CFAP44: variants seen among roughly 807,000 people sequenced by gnomAD.
CFAP44 encodes cilia- and flagella-associated protein 44.
Under a neutral mutation model 216.2 loss-of-function variants are expected in CFAP44, and 134 were observed. The ratio of observed to expected loss-of-function variants is 0.62; its 90% confidence interval spans 0.54 to 0.72. The LOEUF (loss-of-function observed/expected upper bound fraction) is 0.72. Ranked by LOEUF, CFAP44 falls within the 30% of genes least tolerant of loss-of-function variation. The pLI, the probability that CFAP44 is intolerant of heterozygous loss-of-function variation, is 0.00. For synonymous variants in CFAP44, 700 were observed against 727.6 expected, an observed-to-expected ratio of 0.96 and a Z score of 0.61; for missense variants, 2,035 against 2,182.1, an observed-to-expected ratio of 0.93 and a Z score of 1.34.
At chr3:113,354,312 C>T (rs945794201) in intron 22 of CFAP44, among the ~76,000 whole-genome samples, 1 of 152,188 alleles carries the variant, frequency 6.6e-6, no homozygotes, top group South Asian at 2.1e-4. Context: ...TTTGAAGGAA[C>T]TGGATCACCC....
intron 28 of CFAP44, among the ~76,000 whole-genome samples, chr3:113,322,237 C>T (rs1950152053): frequency 6.6e-6 from 1 of 152,180 alleles, no homozygotes; most frequent in Non-Finnish European, 1.5e-5. Flanking sequence ...ACCATCTTAT[C>T]TTCAACAAGG....
chr3:113,310,007 C>G (rs377515456), intron 28 of CFAP44, among the ~76,000 whole-genome samples: 1 of 152,198 alleles, frequency 6.6e-6, no homozygotes, highest in South Asian at 2.1e-4. Flanking sequence ...AACTCTGGTA[C>G]AATCCCCAAC....
intron 20 of CFAP44, 78 bp downstream of exon 20, chr3:113,363,399 A>G: frequency 6.4e-7 from 1 of 1,573,276 alleles, no homozygotes; most frequent in Non-Finnish European, 8.6e-7. Flanking sequence ...AAATTCATTA[A>G]GCTTGGTCAA....
intron 1 of CFAP44, among the ~76,000 whole-genome samples, chr3:113,440,644 T>C (rs1275228747): frequency 6.6e-6 from 1 of 152,178 alleles, no homozygotes; most frequent in Non-Finnish European, 1.5e-5. Context: ...CTGTAACCCA[T>C]TTTCTACACT....
intron 28 of CFAP44, among the ~76,000 whole-genome samples, chr3:113,313,368 A>T (rs868270388): frequency 3.9e-5 from 6 of 152,132 alleles, no homozygotes; most frequent in Middle Eastern, 3.2e-3. Flanking sequence ...GTAGGAAGTA[A>T]CTAGCTTGCT....
Position 113,304,110 on chromosome 3 carries a change from T to C in CFAP44, c.4883A>G (p.Tyr1628Cys). Residue 1628 changes from tyrosine (Y) to cysteine (C), a missense_variant, in exon 32 of 35, where the codon TAT becomes TGT. Transcript: ENST00000393845. Reference sequence around the variant, plus strand: ...GCTAGGTATTTCTCCAAATACCACATACTCTATCTACAAGCATAAAACAAA... The same window carrying C: ...GCTAGGTATTTCTCCAAATACCACACACTCTATCTACAAGCATAAAACAAA... ...VIPLKLHQIE[Y>C]VVFGEIPSDL... 1.3e-6 allele frequency: 2 copies of C among 1,536,846 alleles called. No homozygotes were observed. The highest frequency in any genetic ancestry group is 1.7e-6 in the Non-Finnish European group (2 of 1,146,702).
chr3:113,421,247 C>T (rs1183706918), intron 4 of CFAP44, among the ~76,000 whole-genome samples: 1 of 152,210 alleles, frequency 6.6e-6, no homozygotes, highest in African/African-American at 2.4e-5. Context: ...AAACGCTCCA[C>T]ATCACTAATC....
chr3:113,321,408 C>A (rs1293974830), intron 28 of CFAP44, among the ~76,000 whole-genome samples: 1 of 152,128 alleles, frequency 6.6e-6, no homozygotes, highest in East Asian at 1.9e-4. Flanking sequence ...TCCACATAGC[C>A]AACATCATAC....
Position 113,287,517 on chromosome 3 carries a change from T to C in CFAP44, c.*4040A>G, listed in dbSNP as rs973571170. 4 of 152,916 alleles carry C rather than the reference T, an allele frequency of 2.6e-5. No individual in the cohort carries two copies. Among genetic ancestry groups the C allele is most frequent in the African/African-American group, 9.6e-5 (4 of 41,454 alleles). 9.5% of individuals were successfully genotyped at this position (152,916 alleles called of 1,614,324 possible). Reference sequence around the variant, plus strand: ...ATGTTAGAATTCAGTCTCTGAGTATTTGAAGAAAATACCCACTTACAATAT... The same window carrying C: ...ATGTTAGAATTCAGTCTCTGAGTATCTGAAGAAAATACCCACTTACAATAT... On this transcript the variant is annotated 3_prime_UTR_variant, in exon 35 of 35. Transcript: ENST00000393845.
chr3:113,347,874 C>G (rs1950402627), intron 22 of CFAP44, among the ~76,000 whole-genome samples: 1 of 152,116 alleles, frequency 6.6e-6, no homozygotes, highest in African/African-American at 2.4e-5. Flanking sequence ...ATGCCTAGGA[C>G]TCTAACAGGT....
chr3:113,316,221 T>A (rs1309584802), intron 28 of CFAP44, among the ~76,000 whole-genome samples: 1 of 152,128 alleles, frequency 6.6e-6, no homozygotes, highest in Non-Finnish European at 1.5e-5. Flanking sequence ...CAGGTCTCAA[T>A]AAAAATTTTA....
At chr3:113,331,025 G>A (rs557063909) in intron 25 of CFAP44, among the ~76,000 whole-genome samples, 1 of 152,230 alleles carries the variant, frequency 6.6e-6, no homozygotes, top group South Asian at 2.1e-4. Flanking sequence ...GGGAGGAAGG[G>A]AAAGGCAATT....
intron 32 of CFAP44, among the ~76,000 whole-genome samples, chr3:113,303,443 G>A (rs1057365209): frequency 6.6e-6 from 1 of 152,112 alleles, no homozygotes; most frequent in Admixed American, 6.6e-5. Context: ...GTTTAATAAA[G>A]TGAACCACAA....
chr3:113,377,902 C>T (rs550760746), intron 17 of CFAP44, among the ~76,000 whole-genome samples: 243 of 152,256 alleles, frequency 1.6e-3, no homozygotes, highest in African/African-American at 5.8e-3. Context: ...CCACCCGCCT[C>T]GGCCTCCCAA....
At chr3:113,418,947 A>T (rs1302501456) in intron 5 of CFAP44, among the ~76,000 whole-genome samples, 1 of 151,876 alleles carries the variant, frequency 6.6e-6, no homozygotes, top group African/African-American at 2.4e-5. Context: ...CTCGTGATCC[A>T]CCCGCCTCAG....
chr3:113,413,312 T>A (rs1041153616), intron 6 of CFAP44, among the ~76,000 whole-genome samples: 5 of 152,192 alleles, frequency 3.3e-5, no homozygotes, highest in African/African-American at 1.2e-4. Context: ...TCTCCCTCTC[T>A]GTAGGTTGCT....
At chr3:113,383,315 A>G (rs929640244) in intron 15 of CFAP44, among the ~76,000 whole-genome samples, 1 of 152,172 alleles carries the variant, frequency 6.6e-6, no homozygotes, top group African/African-American at 2.4e-5. Context: ...AGTATCTGAT[A>G]AGGGCATTTT....
intron 32 of CFAP44, 140 bp from the exon 33 acceptor site, chr3:113,297,025 A>AT (rs984072129): frequency 1.4e-4 from 138 of 1,008,516 alleles, no homozygotes; most frequent in African/African-American, 4.3e-4. Context: ...TTCTTCTGTG[A>AT]TTTTTTCTGC....
chr3:113,348,225 G>A (rs62265964), intron 22 of CFAP44, among the ~76,000 whole-genome samples: 30 of 151,972 alleles, frequency 2.0e-4, no homozygotes, highest in Non-Finnish European at 3.1e-4. Flanking sequence ...AATCAAAACC[G>A]CGGGCGGTTT....
Sources: gnomAD v4.1 joint callset for allele counts (sites outside exome capture counted in the v4.1 genomes callset) on GRCh38, gnomAD v4.1.1 for gene constraint, MANE v1.5 for transcripts, NCBI Gene and HGNC (gene_info 2026-07-23, HGNC 2026-07-21) for gene names.